UBXN11: variants seen among roughly 807,000 people sequenced by gnomAD.
The protein encoded by UBXN11 is UBX domain protein 11.
A neutral mutation model predicts 62.8 loss-of-function variants in UBXN11; 47 were observed. The ratio of observed to expected loss-of-function variants is 0.75; its 90% CI spans 0.59 to 0.95. The LOEUF (loss-of-function observed/expected upper bound fraction) is 0.95, where lower values mean the gene tolerates loss of function less well. UBXN11 is among the 40% of genes least tolerant of loss of function. UBXN11 has a pLI of 0.00. For synonymous variants in UBXN11, 294 were observed against 267.0 expected (o/e 1.10, Z -0.99); for missense variants, 638 against 661.7 (o/e 0.96, Z 0.39).
At chr1:26,297,824 C>T (rs1281799435) in intron 5 of UBXN11, 138 bp downstream of exon 5, 5 of 982,836 alleles carry the variant, frequency 5.1e-6, no homozygotes, top group Non-Finnish European at 6.0e-6. Flanking sequence ...GCCCAGGCCA[C>T]ACCTGGTCCT....
At position 26,284,304 on chromosome 1, in the gene UBXN11, C is replaced by A. The variant is rs896022760; in HGVS notation, c.973+58G>T. 12 of 1,612,152 alleles carry A rather than the reference C, an allele frequency of 7.4e-6. No homozygotes were observed. The African/African-American group carries it at 1.6e-4, about 22-fold the overall frequency. On this transcript the variant is annotated intron_variant, in intron 11 of 14. Transcript: ENST00000374222. ...GGACTATGAGTGGTGGTGGAGCCCC[C>A]CTGGAGTTTGTTCTGCAGTCCCCCA...
At chr1:26,289,626 C>A (rs979483686) in intron 8 of UBXN11, among the ~76,000 whole-genome samples, 5 of 152,174 alleles carry the variant, frequency 3.3e-5, no homozygotes, top group African/African-American at 1.2e-4. Flanking sequence ...GATGCCCACG[C>A]CCAGGGTCCT....
At chr1:26,292,424 T>C (rs973357135) in intron 8 of UBXN11, among the ~76,000 whole-genome samples, 2 of 151,838 alleles carry the variant, frequency 1.3e-5, no homozygotes, top group African/African-American at 4.8e-5. Flanking sequence ...ACAGCTGAGG[T>C]GGGAGGATCA....
chr1:26,312,442 G>A (rs1570147469), intron 1 of UBXN11, among the ~76,000 whole-genome samples: 1 of 151,854 alleles, frequency 6.6e-6, no homozygotes, highest in Non-Finnish European at 1.5e-5. Flanking sequence ...AGTAGAGACA[G>A]GGTTTCTCCA....
At chr1:26,304,950 C>G (rs1360990439) in intron 1 of UBXN11, among the ~76,000 whole-genome samples, 3 of 151,880 alleles carry the variant, frequency 2.0e-5, no homozygotes, top group Non-Finnish European at 4.4e-5. Context: ...CTGCACCCTT[C>G]CCTTGGCCAG....
intron 10 of UBXN11, chr1:26,284,877 G>C: frequency 2.0e-6 from 2 of 1,011,538 alleles, no homozygotes; most frequent in Non-Finnish European, 2.4e-6. Context: ...CGAGGTCCCC[G>C]CTGTGGCACG....
chr1:26,297,343 AG>A (rs753081209), intron 6 of UBXN11, 83 bp downstream of exon 6: 39 of 1,416,870 alleles, frequency 2.8e-5, no homozygotes, highest in Non-Finnish European at 3.4e-5. Flanking sequence ...TGATGCCAGA[AG>A]CCATTGTGAA....
chr1:26,290,849 G>A (rs892375927), intron 8 of UBXN11, among the ~76,000 whole-genome samples: 2 of 151,914 alleles, frequency 1.3e-5, no homozygotes, highest in African/African-American at 2.4e-5. Flanking sequence ...CAGAGGGTGG[G>A]GGGGAAGGGA....
chr1:26,314,369 A>G (rs1488639009), intron 1 of UBXN11, among the ~76,000 whole-genome samples: 1 of 152,146 alleles, frequency 6.6e-6, no homozygotes, highest in East Asian at 1.9e-4. Context: ...ATCTAGAACT[A>G]TAGTTTTTCT....
chr1:26,302,863 G>A lies in UBXN11; in HGVS notation c.21C>T (p.Ser7=), dbSNP rs779059835. The part of the protein sequence containing the change: MSSPLA[S]LSKTRKVPLP... ...GGGGCACTTTTCGGGTCTTGCTAAG[G>A]GAGGCCAAAGGTGAGCTCATAGTTC... The change falls in exon 2 of 15, where the codon TCC becomes TCT. Residue 7 remains serine (S), a synonymous_variant. Transcript: ENST00000374222. The A allele has an allele frequency of 6.2e-7, 1 of 1,613,890 alleles. No individual in the cohort carries two copies. The highest frequency in any genetic ancestry group is 8.5e-7 in the Non-Finnish European group (1 of 1,179,926).
intron 8 of UBXN11, 89 bp downstream of exon 8, chr1:26,294,116 T>G: frequency 8.7e-4 from 1,322 of 1,527,670 alleles, no homozygotes; most frequent in Non-Finnish European, 1.1e-3. Context: ...CGGGCACGAA[T>G]GAGATAGGCC....
At position 26,282,756 on chromosome 1, in the gene UBXN11, C is replaced by CG; in HGVS notation, c.1184dup (p.Leu396AlafsTer9). ...CAGACTTGATGCGCAGCATGGAGAG[C>CG]GGGGGTGCCGGCGTGTTGGGTGACT... On this transcript the variant is annotated frameshift_variant, in exon 14 of 15. Transcript: ENST00000374222. LOFTEE classifies it high-confidence loss of function. 1 of 1,614,134 alleles carries CG rather than the reference C, an allele frequency of 6.2e-7. No homozygotes were observed. The highest frequency in any genetic ancestry group is 1.6e-4 in the Middle Eastern group (1 of 6,062).
intron 12 of UBXN11, among the ~76,000 whole-genome samples, 161 bp downstream of exon 12, chr1:26,283,974 GCCCTCAC>G (rs1277180216): frequency 6.6e-6 from 1 of 152,116 alleles, no homozygotes; most frequent in Non-Finnish European, 1.5e-5. Context: ...CCCAGCCCGT[GCCCTCAC>G]CAGCCTCACA....
intron 2 of UBXN11, among the ~76,000 whole-genome samples, chr1:26,302,109 A>G (rs920853826): frequency 2.0e-5 from 3 of 152,184 alleles, no homozygotes; most frequent in Non-Finnish European, 4.4e-5. Context: ...GGTGGCTGGT[A>G]ATTCCAGCAC....
Position 26,297,489 on chromosome 1 carries a change from A to C in UBXN11, c.301-8T>G, listed in dbSNP as rs367701443. ...GGCCGCTATCTTCTGATCCTGTAGC[A>C]TAAGACACAGGGTGAGCACAGGGCC... On this transcript the variant is annotated splice_region_variant and splice_polypyrimidine_tract_variant and intron_variant, in intron 5 of 14. Coordinates refer to ENST00000374222, the MANE Select transcript of UBXN11 (RefSeq NM_001389556.1). 6.4e-7 allele frequency: 1 copy of C among 1,553,042 alleles called. No homozygotes were observed. Among genetic ancestry groups the C allele is most frequent in the African/African-American group, 1.4e-5 (1 of 73,190 alleles).
At chr1:26,303,587 T>C (rs944016575) in intron 1 of UBXN11, among the ~76,000 whole-genome samples, 1 of 136,814 alleles carries the variant, frequency 7.3e-6, no homozygotes. Flanking sequence ...GACTGCACCA[T>C]TGCACTCCAA....
chr1:26,314,968 G>C (rs2124682633), intron 1 of UBXN11, among the ~76,000 whole-genome samples: 1 of 152,182 alleles, frequency 6.6e-6, no homozygotes, highest in Non-Finnish European at 1.5e-5. Flanking sequence ...GTAGTCCCAG[G>C]TACTTAGGAG....
chr1:26,314,790 C>G (rs908125117), intron 1 of UBXN11, among the ~76,000 whole-genome samples: 2 of 152,142 alleles, frequency 1.3e-5, no homozygotes, highest in Admixed American at 6.6e-5. Context: ...AAGGGCCCTT[C>G]GAACATTTAG....
intron 1 of UBXN11, among the ~76,000 whole-genome samples, chr1:26,305,660 T>C (rs1417316449): frequency 7.4e-6 from 1 of 135,694 alleles, no homozygotes; most frequent in African/African-American, 2.8e-5. Context: ...GTGAATTATA[T>C]CTCAATAAAG....
Sources: allele counts gnomAD v4.1 joint callset (sites outside exome capture counted in the v4.1 genomes callset), GRCh38; gene constraint gnomAD v4.1.1; transcripts MANE v1.5; gene names NCBI Gene and HGNC (gene_info 2026-07-23, HGNC 2026-07-21).